Variants in SLF2 observed in about 807,000 individuals in gnomAD.
SLF2 encodes the protein SMC5-SMC6 complex localization factor protein 2.
Under a neutral mutation model 124.3 loss-of-function variants are expected in SLF2, and 68 were observed. The ratio of observed to expected loss-of-function variants is 0.55; its 90% CI spans 0.45 to 0.67. SLF2 has a LOEUF of 0.67. Ranked by LOEUF, SLF2 falls within the 30% of genes least tolerant of loss-of-function variation. SLF2 has a pLI of 0.00. For missense variants in SLF2, 1,246 were observed against 1,373.7 expected, an observed-to-expected ratio of 0.91 and a Z score of 1.47; for synonymous variants, 480 against 478.8, an observed-to-expected ratio of 1.00 and a Z score of -0.03.
chr10:100,956,772 G>A (rs1850338611), intron 18 of SLF2, among the ~76,000 whole-genome samples: 1 of 151,832 alleles, frequency 6.6e-6, no homozygotes, highest in African/African-American at 2.4e-5. Flanking sequence ...AAAAATTTTT[G>A]AAAAATAGCC....
Position 100,964,051 on chromosome 10 carries a change from A to G in SLF2, c.*2139A>G, listed in dbSNP as rs753291686. ...AGTCAGTATTTGCATTTGGGTTCTC[A>G]TGAAAACTTTGTGACTCTCTTTTAG... On this transcript the variant is annotated 3_prime_UTR_variant, in exon 20 of 20. Coordinates refer to ENST00000238961, the MANE Select transcript of SLF2 (RefSeq NM_018121.4). 6.6e-6 allele frequency: 1 copy of G among 152,584 alleles called. No individual in the cohort carries two copies. The highest frequency in any genetic ancestry group is 1.5e-5 in the Non-Finnish European group (1 of 68,034). The allele number at this position is 152,584 out of a possible 1,614,324, so 9.5% of individuals were successfully genotyped here.
At position 100,924,245 on chromosome 10, in the gene SLF2, C is replaced by T. The variant is rs759366393; in HGVS notation, c.1244C>T (p.Ser415Phe). 2.5e-6 allele frequency: 4 copies of T among 1,614,004 alleles called. No homozygotes were observed. In the Admixed American group the frequency reaches 6.7e-5, roughly 27 times the overall value. Residue 415 changes from serine to phenylalanine, a missense_variant, in exon 5 of 20, where the codon TCT becomes TTT. By Grantham distance (155) the Ser-to-Phe change is radical (BLOSUM62 -2). Transcript: ENST00000238961. ...TTGGCACCTTCAAATTCTGGCAATTCTGGCCACCATTCTACCAGGAATAGT... is the reference window on the plus strand; with the variant it reads ...TTGGCACCTTCAAATTCTGGCAATTTTGGCCACCATTCTACCAGGAATAGT... ...AGLAPSNSGN[S>F]GHHSTRNSDQ...
intron 6 of SLF2, chr10:100,926,902 TC>T (rs1367813538): frequency 6.7e-6 from 1 of 148,400 alleles, no homozygotes; most frequent in African/African-American, 2.5e-5. Context: ...AGAGCAAGAC[TC>T]CATCTCAAAA....
chr10:100,919,617 A>G (rs1269412685), intron 4 of SLF2, among the ~76,000 whole-genome samples: 1 of 152,266 alleles, frequency 6.6e-6, no homozygotes, highest in African/African-American at 2.4e-5. Context: ...GTTTGCAACA[A>G]GAAATGAAAG....
chr10:100,924,113 A>G lies in SLF2; in HGVS notation c.1112A>G (p.Lys371Arg), dbSNP rs1849566188. ...LEKRPDGPHQKEKFIKHIALK... is the reference protein window; with the variant it reads ...LEKRPDGPHQREKFIKHIALK... ...AAGCGTCCTGATGGACCACATCAGA[A>G]AGAAAAATTTATAAAACATATTGCA... Residue 371 changes from lysine to arginine, a missense_variant, in exon 5 of 20, where the codon AAA (lysine) becomes AGA (arginine). Physicochemically the swap from Lys to Arg is conservative, Grantham distance 26. Transcript: ENST00000238961. 1.2e-6 allele frequency: 2 copies of G among 1,613,398 alleles called. No individual in the cohort carries two copies. Among genetic ancestry groups the G allele is most frequent in the South Asian group, 2.2e-5 (2 of 90,964 alleles).
intron 4 of SLF2, among the ~76,000 whole-genome samples, chr10:100,919,147 G>A (rs1308115063): frequency 6.6e-6 from 1 of 151,402 alleles, no homozygotes; most frequent in Admixed American, 6.6e-5. Flanking sequence ...AAATATCTGG[G>A]ACTACAGGCG....
At chr10:100,921,045 C>T (rs761782696) in intron 4 of SLF2, among the ~76,000 whole-genome samples, 11 of 152,278 alleles carry the variant, frequency 7.2e-5, no homozygotes, top group Non-Finnish European at 1.5e-4. Context: ...TACATAATCA[C>T]GCAATCATTA....
At chr10:100,914,872 G>A (rs1849386647) in intron 1 of SLF2, among the ~76,000 whole-genome samples, 1 of 152,124 alleles carries the variant, frequency 6.6e-6, no homozygotes, top group Non-Finnish European at 1.5e-5. Context: ...TTGGATTGTT[G>A]GAATTTTCAC....
chr10:100,932,046 A>G (rs1229648462), intron 9 of SLF2, among the ~76,000 whole-genome samples: 1 of 152,126 alleles, frequency 6.6e-6, no homozygotes, highest in Non-Finnish European at 1.5e-5. Flanking sequence ...TTTCCAGTAT[A>G]AAAGCTTCTG....
chr10:100,955,884 T>G, intron 17 of SLF2, among the ~76,000 whole-genome samples: 1 of 143,868 alleles, frequency 7.0e-6, no homozygotes. Flanking sequence ...TCAACCTGGG[T>G]GACAGAGCAA....
At position 100,924,940 on chromosome 10, in the gene SLF2, A is replaced by G; in HGVS notation, c.1939A>G (p.Lys647Glu). The G allele has an allele frequency of 6.2e-7, 1 of 1,613,802 alleles. No homozygotes were observed. Among genetic ancestry groups the G allele is most frequent in the Non-Finnish European group, 8.5e-7 (1 of 1,179,954 alleles). Residue 647 changes from lysine to glutamate, a missense_variant, in exon 5 of 20, where the codon AAG becomes GAG. Coordinates refer to ENST00000238961, the MANE Select transcript of SLF2 (RefSeq NM_018121.4). ...AATGKPPALS[K>E]GLRSQSSDYT... ...TACAGGAAAGCCTCCTGCTCTTTCC[A>G]AGGGGCTTAGATCTCAGTCATCAGA...
chr10:100,913,032 G>A lies in SLF2; in HGVS notation c.-79G>A, dbSNP rs898694585. 5.3e-6 allele frequency: 8 copies of A among 1,510,870 alleles called. No individual in the cohort carries two copies. Among genetic ancestry groups the A allele is most frequent in the Non-Finnish European group, 7.2e-6 (8 of 1,106,470 alleles). 93.6% of individuals were successfully genotyped at this position (1,510,870 alleles called of 1,614,324 possible). On this transcript the variant is annotated 5_prime_UTR_variant, in exon 1 of 20. Transcript: ENST00000238961. The stretch of plus-strand genomic sequence containing the variant: ...CCACCTCTGCTCCGACAGCCTCCCG[G>A]AGTCCCAGCAGCAAGACGGCAACCA...
intron 9 of SLF2, among the ~76,000 whole-genome samples, chr10:100,935,549 G>A (rs1256955459): frequency 1.3e-5 from 2 of 151,506 alleles, no homozygotes; most frequent in East Asian, 1.9e-4. Context: ...TAATGGTGGC[G>A]CAGGCCTATA....
At chr10:100,951,958 G>C (rs1427866172) in intron 17 of SLF2, among the ~76,000 whole-genome samples, 1 of 152,086 alleles carries the variant, frequency 6.6e-6, no homozygotes, top group African/African-American at 2.4e-5. Flanking sequence ...ACTTAGGTCG[G>C]ACATGCCGGG....
intron 12 of SLF2, among the ~76,000 whole-genome samples, chr10:100,945,064 A>G (rs1214045921): frequency 6.6e-6 from 1 of 152,124 alleles, no homozygotes; most frequent in East Asian, 1.9e-4. Flanking sequence ...AGAGTTAATG[A>G]CAGTGTGAAA....
intron 13 of SLF2, among the ~76,000 whole-genome samples, 171 bp downstream of exon 13, chr10:100,945,677 A>AT (rs1270591740): frequency 6.6e-6 from 1 of 152,092 alleles, no homozygotes; most frequent in Non-Finnish European, 1.5e-5. Context: ...TGATAATTGA[A>AT]TTTTTTCTAA....
intron 9 of SLF2, among the ~76,000 whole-genome samples, chr10:100,933,629 A>T (rs756945774): frequency 9.9e-5 from 15 of 152,036 alleles, no homozygotes; most frequent in Admixed American, 7.9e-4. Context: ...AGGTTTGATT[A>T]TGAAAAGTTC....
intron 11 of SLF2, 110 bp downstream of exon 11, chr10:100,938,846 G>A: frequency 2.9e-6 from 3 of 1,033,298 alleles, no homozygotes; most frequent in East Asian, 3.0e-5. Flanking sequence ...ATCTCTCAAA[G>A]TTGAGATCAA....
intron 9 of SLF2, among the ~76,000 whole-genome samples, chr10:100,935,122 G>A (rs1026940925): frequency 7.2e-5 from 11 of 152,074 alleles, no homozygotes; most frequent in African/African-American, 1.9e-4. Context: ...CAGGCGGGGC[G>A]TGATGGCTCA....
Sources: allele counts gnomAD v4.1 joint callset (sites outside exome capture counted in the v4.1 genomes callset), GRCh38; gene constraint gnomAD v4.1.1; transcripts MANE v1.5; gene names NCBI Gene and HGNC (gene_info 2026-07-23, HGNC 2026-07-21).